GNG12: variants seen among roughly 807,000 people sequenced by gnomAD.
The protein encoded by GNG12 is G protein subunit gamma 12.
For missense variants in GNG12, 69 were observed against 83.8 expected (o/e 0.82, Z 0.69); for synonymous variants, 28 against 29.7 (o/e 0.94, Z 0.19).
At chr1:67,803,197 C>A (rs1646876310) in intron 1 of GNG12, among the ~76,000 whole-genome samples, 1 of 150,164 alleles carries the variant, frequency 6.7e-6, no homozygotes, top group South Asian at 2.1e-4. Context: ...TGATATTTAT[C>A]CCATTAGGGA....
intron 3 of GNG12, among the ~76,000 whole-genome samples, chr1:67,705,978 T>TG (rs1426957111): frequency 1.3e-5 from 2 of 152,214 alleles, no homozygotes; most frequent in African/African-American, 4.8e-5. Context: ...ATGGACTGTG[T>TG]GTGAGGTATT....
At chr1:67,709,827 AATAT>A (rs1011266674) in intron 2 of GNG12, among the ~76,000 whole-genome samples, 3 of 124,864 alleles carry the variant, frequency 2.4e-5, no homozygotes, top group African/African-American at 6.4e-5. Context: ...TATATATATA[AATAT>A]ATATATATTT....
chr1:67,822,655 G>A, intron 1 of GNG12, among the ~76,000 whole-genome samples: 1 of 152,190 alleles, frequency 6.6e-6, no homozygotes, highest in African/African-American at 2.4e-5. Context: ...ATTTTTCATG[G>A]GCCACTCATT....
intron 1 of GNG12, among the ~76,000 whole-genome samples, chr1:67,790,474 A>C (rs202087159): frequency 6.6e-6 from 1 of 152,192 alleles, no homozygotes; most frequent in East Asian, 1.9e-4. Context: ...AGGGCATTCA[A>C]TAACGTTCTA....
At chr1:67,771,677 C>T (rs1394408528) in intron 2 of GNG12, among the ~76,000 whole-genome samples, 1 of 152,084 alleles carries the variant, frequency 6.6e-6, no homozygotes, top group Non-Finnish European at 1.5e-5. Context: ...GAGAGGTGGA[C>T]CCACCACAGC....
At chr1:67,745,808 T>C (rs965933605) in intron 2 of GNG12, among the ~76,000 whole-genome samples, 1 of 152,230 alleles carries the variant, frequency 6.6e-6, no homozygotes, top group African/African-American at 2.4e-5. Flanking sequence ...CCTATCATTG[T>C]CTGATGTAGT....
chr1:67,761,063 T>C (rs1646600332), intron 2 of GNG12, among the ~76,000 whole-genome samples: 1 of 152,224 alleles, frequency 6.6e-6, no homozygotes, highest in Non-Finnish European at 1.5e-5. Flanking sequence ...TTGTGCTAGA[T>C]ACTGGAAGAT....
Position 67,716,994 on chromosome 1 carries a change from G to A in GNG12, c.-26-9282C>T, listed in dbSNP as rs374533832. ...GAGGAGAGTGAGCTGCAGAGCCTGGGCAGCGAGTTCCTCACTTCACTGTGT... is the reference window on the plus strand; with the variant it reads ...GAGGAGAGTGAGCTGCAGAGCCTGGACAGCGAGTTCCTCACTTCACTGTGT... On this transcript the variant is annotated intron_variant, in intron 2 of 3. Transcript: ENST00000370982. Among the ~76,000 whole-genome samples, 101 of 152,282 alleles carry A rather than the reference G, an allele frequency of 6.6e-4. 2 individuals carry two copies. In the South Asian group the frequency reaches 0.02, roughly 30 times the overall value.
intron 1 of GNG12, among the ~76,000 whole-genome samples, chr1:67,814,653 C>A (rs570529689): frequency 6.6e-6 from 1 of 152,326 alleles, no homozygotes; most frequent in East Asian, 1.9e-4. Flanking sequence ...TCGAGCTTTA[C>A]AATGCTTTAT....
In GNG12 at chr1:67,705,295, A is replaced by G; in HGVS notation, c.*156T>C. The stretch of plus-strand genomic sequence containing the variant: ...TAAAGGGTATTTTAAGAGAAAGGAC[A>G]ACTTGGAAAATAGAGACTTCAGAGT... On this transcript the variant is annotated 3_prime_UTR_variant, in exon 4 of 4. Transcript: ENST00000370982. 8.4e-7 allele frequency: 1 copy of G among 1,189,296 alleles called. No individual in the cohort carries two copies. Among genetic ancestry groups the G allele is most frequent in the Non-Finnish European group, 1.1e-6 (1 of 877,070 alleles). The allele number at this position is 1,189,296 out of a possible 1,614,324, so 73.7% of individuals were successfully genotyped here.
At chr1:67,789,760 T>C (rs940387585) in intron 1 of GNG12, among the ~76,000 whole-genome samples, 20 of 152,314 alleles carry the variant, frequency 1.3e-4, no homozygotes, top group African/African-American at 4.6e-4. Flanking sequence ...GTTTCCACTC[T>C]GCCAGACCTT....
intron 2 of GNG12, among the ~76,000 whole-genome samples, chr1:67,723,070 A>T (rs1646364979): frequency 6.6e-6 from 1 of 152,184 alleles, no homozygotes; most frequent in East Asian, 1.9e-4. Context: ...TATTATTAGG[A>T]GTTAGTGCAT....
intron 1 of GNG12, among the ~76,000 whole-genome samples, chr1:67,820,627 C>T (rs1386357156): frequency 6.6e-6 from 1 of 152,138 alleles, no homozygotes; most frequent in East Asian, 1.9e-4. Context: ...CAAAACGGTG[C>T]CATGAAAAGA....
At chr1:67,811,452 C>G (rs902068664) in intron 1 of GNG12, among the ~76,000 whole-genome samples, 1 of 152,128 alleles carries the variant, frequency 6.6e-6, no homozygotes, top group East Asian at 1.9e-4. Context: ...AAGGCAAACC[C>G]TGCTGCGGTA....
intron 1 of GNG12, among the ~76,000 whole-genome samples, chr1:67,821,369 G>A (rs1290759571): frequency 1.3e-5 from 2 of 152,118 alleles, no homozygotes; most frequent in Non-Finnish European, 2.9e-5. Flanking sequence ...TCCCAAGCAC[G>A]AGAAGGATTT....
At chr1:67,756,668 C>T (rs1417169084) in intron 2 of GNG12, among the ~76,000 whole-genome samples, 2 of 152,176 alleles carry the variant, frequency 1.3e-5, no homozygotes, top group African/African-American at 2.4e-5. Flanking sequence ...TCCTCATTTA[C>T]CACATCTCAC....
intron 1 of GNG12, among the ~76,000 whole-genome samples, chr1:67,813,938 TATAC>T (rs544341350): frequency 1.4e-4 from 21 of 152,194 alleles, no homozygotes; most frequent in African/African-American, 4.8e-4. Flanking sequence ...TATAGTAGTA[TATAC>T]ACACATATAT....
At chr1:67,706,371 T>C (rs140433728) in intron 3 of GNG12, among the ~76,000 whole-genome samples, 41 of 152,274 alleles carry the variant, frequency 2.7e-4, no homozygotes, top group African/African-American at 7.7e-4. Context: ...GATTTACTGT[T>C]AGAGATTGGG....
chr1:67,704,899 A>AT lies in GNG12; in HGVS notation c.*551dup, dbSNP rs1303494258. On this transcript the variant is annotated 3_prime_UTR_variant, in exon 4 of 4. Transcript: ENST00000370982. The stretch of plus-strand genomic sequence containing the variant: ...CCTATACACAGCTCAAAATAAAGGT[A>AT]TAACTTCTGGAACTGAGAAACTGAT... The AT allele has an allele frequency of 6.6e-6, 1 of 152,320 alleles. No individual in the cohort carries two copies. The highest frequency in any genetic ancestry group is 1.5e-5 in the Non-Finnish European group (1 of 68,098). 9.4% of individuals were successfully genotyped at this position (152,320 alleles called of 1,614,324 possible).
Sources: allele counts gnomAD v4.1 joint callset (sites outside exome capture counted in the v4.1 genomes callset), GRCh38; gene constraint gnomAD v4.1.1; transcripts MANE v1.5; gene names NCBI Gene and HGNC (gene_info 2026-07-23, HGNC 2026-07-21).